Variants in SMARCA4 observed in about 807,000 individuals in gnomAD.
SMARCA4 encodes the protein SWI/SNF related BAF chromatin remodeling complex subunit ATPase 4.
Under a neutral mutation model 193.9 loss-of-function variants are expected in SMARCA4, and 31 were observed. That is an observed-to-expected ratio of 0.16 (90% CI 0.12 to 0.22). The LOEUF (loss-of-function observed/expected upper bound fraction) is 0.22. SMARCA4 is among the 10% of genes least tolerant of loss of function. The pLI is 1.00. For synonymous variants in SMARCA4, 942 were observed against 933.1 expected (o/e 1.01, Z -0.17); for missense variants, 1,148 against 2,296.0 (o/e 0.50, Z 10.22).
At chr19:11,046,171 C>T (rs1399222287) in intron 30 of SMARCA4, among the ~76,000 whole-genome samples, 6 of 150,332 alleles carry the variant, frequency 4.0e-5, no homozygotes, top group Admixed American at 6.7e-5. Context: ...TGCAGTGAGC[C>T]GAGATTGTGC....
Position 11,062,158 on chromosome 19 carries a change from C to T in SMARCA4, c.*342C>T, listed in dbSNP as rs1395400666. 4.6e-6 allele frequency: 2 copies of T among 439,266 alleles called. No homozygotes were observed. Among genetic ancestry groups the T allele is most frequent in the Non-Finnish European group, 8.4e-6 (2 of 237,406 alleles). 27.2% of individuals were successfully genotyped at this position (439,266 alleles called of 1,614,324 possible). On this transcript the variant is annotated 3_prime_UTR_variant, in exon 35 of 35. Coordinates refer to ENST00000344626, the MANE Select transcript of SMARCA4 (RefSeq NM_003072.5). ...TAGTTAAGTGTGGATGCATGTGCGTCACCGTCCACTCCTCCTACTGTATTT... is the reference window on the plus strand; with the variant it reads ...TAGTTAAGTGTGGATGCATGTGCGTTACCGTCCACTCCTCCTACTGTATTT...
At position 10,986,497 on chromosome 19, in the gene SMARCA4, C is replaced by G. The variant is rs1466661081; in HGVS notation, c.664C>G (p.Pro222Ala). 6.5e-7 allele frequency: 1 copy of G among 1,548,392 alleles called. No homozygotes were observed. ...GMQQQMPTLP[P>A]PSVSATGPGP... Reference sequence around the variant, plus strand: ...GCAGCAGCAGATGCCAACGCTACCTCCACCCTCGGTGTCCGCAACAGGACC... The same window carrying G: ...GCAGCAGCAGATGCCAACGCTACCTGCACCCTCGGTGTCCGCAACAGGACC... The change falls in exon 4 of 35, where the codon CCA (proline) becomes GCA (alanine). Residue 222 changes from proline to alanine, a missense_variant. Pro to Ala is a conservative substitution (Grantham distance 27). Coordinates refer to ENST00000344626, the MANE Select transcript of SMARCA4 (RefSeq NM_003072.5). The surrounding 1 kb of genome is among the most constrained non-coding windows in gnomAD (Gnocchi z 6.7).
chr19:10,976,498 G>A (rs1442965955), intron 1 of SMARCA4, among the ~76,000 whole-genome samples: 1 of 152,162 alleles, frequency 6.6e-6, no homozygotes, highest in Non-Finnish European at 1.5e-5. Context: ...GCTCATGCCT[G>A]TAGTCCTAGC....
Position 10,987,569 on chromosome 19 carries a change from G to A in SMARCA4, c.860-97G>A, listed in dbSNP as rs752075007. 1 of 1,433,338 alleles carries A rather than the reference G, an allele frequency of 7.0e-7. No homozygotes were observed. 88.8% of individuals were successfully genotyped at this position (1,433,338 alleles called of 1,614,324 possible). ...GGTGGGAGATGGGCGGGGTCTGCCTGTCCCCAGTGCCTCAAGCAGCTCAGC... is the reference window on the plus strand; with the variant it reads ...GGTGGGAGATGGGCGGGGTCTGCCTATCCCCAGTGCCTCAAGCAGCTCAGC... On this transcript the variant is annotated intron_variant, in intron 5 of 34. Transcript: ENST00000344626. This position sits in a 1 kb window ranked among gnomAD's most constrained non-coding sequence, Gnocchi z 5.3.
Position 10,985,447 on chromosome 19 carries a change from CCA to C in SMARCA4, c.355+43_355+44del, listed in dbSNP as rs1476876970. Reference sequence around the variant, plus strand: ...CTTCCTGCCTTGTGTTTGTCATACTCCAGAGTCCTCAGATCATTTTCCTCCCC... The same window carrying C: ...CTTCCTGCCTTGTGTTTGTCATACTCGAGTCCTCAGATCATTTTCCTCCCC... On this transcript the variant is annotated intron_variant, in intron 3 of 34. Coordinates refer to ENST00000344626, the MANE Select transcript of SMARCA4 (RefSeq NM_003072.5). This position sits in a 1 kb window ranked among gnomAD's most constrained non-coding sequence, Gnocchi z 4.5. 6.2e-7 allele frequency: 1 copy of C among 1,608,842 alleles called. No individual in the cohort carries two copies. The highest frequency in any genetic ancestry group is 1.7e-5 in the Admixed American group (1 of 59,408).
At chr19:11,013,475 C>T (rs1285647569) in intron 16 of SMARCA4, among the ~76,000 whole-genome samples, 1 of 152,136 alleles carries the variant, frequency 6.6e-6, no homozygotes, top group Non-Finnish European at 1.5e-5. Flanking sequence ...CAGGTACAGT[C>T]GCATCCTGAG....
intron 20 of SMARCA4, 142 bp downstream of exon 20, chr19:11,023,773 G>T: frequency 1.4e-6 from 1 of 703,648 alleles, no homozygotes. Flanking sequence ...GACGCCACTG[G>T]GTCTGTAAAG....
In SMARCA4 at chr19:10,986,465, C is replaced by T. The variant is rs1046912361; in HGVS notation, c.632C>T (p.Pro211Leu). Residue 211 changes from proline to leucine, a missense_variant, in exon 4 of 35, where the codon CCC becomes CTC. Transcript: ENST00000344626. This position sits in a 1 kb window ranked among gnomAD's most constrained non-coding sequence, Gnocchi z 6.7. ...QMAVQGKRPMPGMQQQMPTLP... is the reference protein window; with the variant it reads ...QMAVQGKRPMLGMQQQMPTLP... ...GCGGTGCAGGGCAAGCGGCCGATGC[C>T]CGGGATGCAGCAGCAGATGCCAACG... 1.9e-6 allele frequency: 3 copies of T among 1,556,618 alleles called. No individual in the cohort carries two copies. The highest frequency in any genetic ancestry group is 2.6e-6 in the Non-Finnish European group (3 of 1,151,120).
At chr19:11,059,620 C>T (rs780879019) in intron 32 of SMARCA4, 133 bp from the exon 33 acceptor site, 279 of 1,013,754 alleles carry the variant, frequency 2.8e-4, no homozygotes, top group Non-Finnish European at 3.7e-4. Context: ...AGCCCCGACC[C>T]GCTGAGGCTC....
chr19:11,033,971 TG>T lies in SMARCA4; in HGVS notation c.3873+107del. 1.3e-6 allele frequency: 1 copy of T among 751,150 alleles called. No individual in the cohort carries two copies. The highest frequency in any genetic ancestry group is 2.4e-6 in the Non-Finnish European group (1 of 410,638). 46.5% of individuals were successfully genotyped at this position (751,150 alleles called of 1,614,324 possible). A position where few individuals can be genotyped will look rare whatever the true frequency, so the allele number is the denominator to read the frequency against. The stretch of plus-strand genomic sequence containing the variant: ...CGGAGCGTGCGTGTGCGTGTGCGTG[TG>T]TGTGCCTTTCGCTGCCGTGTGGGTC... On this transcript the variant is annotated intron_variant, in intron 27 of 34. Coordinates refer to ENST00000344626, the MANE Select transcript of SMARCA4 (RefSeq NM_003072.5). The surrounding 1 kb of genome is among the most constrained non-coding windows in gnomAD (Gnocchi z 9.8).
intron 34 of SMARCA4, among the ~76,000 whole-genome samples, chr19:11,061,520 C>T (rs564366664): frequency 6.6e-6 from 1 of 152,154 alleles, no homozygotes; most frequent in Non-Finnish European, 1.5e-5. Flanking sequence ...GGACTACAGG[C>T]GCCCGCCACC....
At position 11,050,785 on chromosome 19, in the gene SMARCA4, G is replaced by T. The variant is rs541838964; in HGVS notation, c.4425-7470G>T. Among the ~76,000 whole-genome samples the T allele has an allele frequency of 6.7e-4, 102 of 152,376 alleles. 1 individual carries two copies. The highest frequency in any genetic ancestry group is 2.3e-3 in the African/African-American group (97 of 41,600). On this transcript the variant is annotated intron_variant, in intron 30 of 34. Transcript: ENST00000344626. Reference sequence around the variant, plus strand: ...TTGTCACACTCCTTCAAGCCCCCAGGGCAGGGCCCCTGAGGGAAGGGTGCA... The same window carrying T: ...TTGTCACACTCCTTCAAGCCCCCAGTGCAGGGCCCCTGAGGGAAGGGTGCA...
chr19:10,972,895 G>T (rs552178181), intron 1 of SMARCA4, among the ~76,000 whole-genome samples: 1 of 152,314 alleles, frequency 6.6e-6, no homozygotes, highest in East Asian at 1.9e-4. Context: ...CGGATCATCG[G>T]CTCAGGAGTT....
intron 13 of SMARCA4, among the ~76,000 whole-genome samples, chr19:11,005,149 T>C (rs1600148294): frequency 6.6e-6 from 1 of 152,344 alleles, no homozygotes; most frequent in East Asian, 1.9e-4. Context: ...CCTATTTTTT[T>C]GCTTACCTCT....
rs2086091155 is a variant in SMARCA4, at chr19:10,986,840, CG to C, written c.761-61del. On this transcript the variant is annotated intron_variant, in intron 4 of 34. Coordinates refer to ENST00000344626, the MANE Select transcript of SMARCA4 (RefSeq NM_003072.5). This position sits in a 1 kb window ranked among gnomAD's most constrained non-coding sequence, Gnocchi z 6.7. ...TGTCCCCTGGAGCCAGGGCTGCCCA[CG>C]GGGCTGGGCGCAGGCATAAACCTGG... The C allele has an allele frequency of 2.8e-6, 4 of 1,422,232 alleles. No homozygotes were observed. 88.1% of individuals were successfully genotyped at this position (1,422,232 alleles called of 1,614,324 possible).
chr19:10,971,236 C>T (rs1356099060), intron 1 of SMARCA4, among the ~76,000 whole-genome samples: 1 of 152,114 alleles, frequency 6.6e-6, no homozygotes, highest in Non-Finnish European at 1.5e-5. Flanking sequence ...TTCCCACCTT[C>T]CCTGCTCCAG....
Position 11,030,986 on chromosome 19 carries a change from C to T in SMARCA4, c.3546+93C>T. The T allele has an allele frequency of 8.4e-7, 1 of 1,187,718 alleles. No homozygotes were observed. Among genetic ancestry groups the T allele is most frequent in the Non-Finnish European group, 1.2e-6 (1 of 824,464 alleles). The allele number at this position is 1,187,718 out of a possible 1,614,324, so 73.6% of individuals were successfully genotyped here. A position where few individuals can be genotyped will look rare whatever the true frequency, so the allele number is the denominator to read the frequency against. On this transcript the variant is annotated intron_variant, in intron 25 of 34. Coordinates refer to ENST00000344626, the MANE Select transcript of SMARCA4 (RefSeq NM_003072.5). This position sits in a 1 kb window ranked among gnomAD's most constrained non-coding sequence, Gnocchi z 5.5. Reference sequence around the variant, plus strand: ...CCCTGGCTTGAGGGTCCTCCAGCCTCCTCCACATTGTCTTGGACCCCAGGA... The same window carrying T: ...CCCTGGCTTGAGGGTCCTCCAGCCTTCTCCACATTGTCTTGGACCCCAGGA...
At chr19:10,975,345 C>G (rs974983694) in intron 1 of SMARCA4, among the ~76,000 whole-genome samples, 1 of 107,622 alleles carries the variant, frequency 9.3e-6, no homozygotes, top group African/African-American at 3.7e-5. Context: ...TTGAGTGTTT[C>G]TCTGTTGCCA....
intron 24 of SMARCA4, among the ~76,000 whole-genome samples, chr19:11,029,527 C>T (rs2090494233): frequency 6.6e-6 from 1 of 152,270 alleles, no homozygotes; most frequent in Non-Finnish European, 1.5e-5. Context: ...GGTGGCCCCT[C>T]ACCTCAGCCC....
Sources: gnomAD v4.1 joint callset for allele counts (sites outside exome capture counted in the v4.1 genomes callset) on GRCh38, gnomAD v4.1.1 for gene constraint, Gnocchi (gnomAD v3.1) non-coding constraint, MANE v1.5 for transcripts, NCBI Gene and HGNC (gene_info 2026-07-23, HGNC 2026-07-21) for gene names.